Variants in KCMF1 observed in about 807,000 individuals in gnomAD.
KCMF1 encodes E3 ubiquitin-protein ligase KCMF1.
A neutral mutation model predicts 41.1 loss-of-function variants in KCMF1; 3 were observed. That is an observed-to-expected ratio of 0.07 (90% confidence interval 0.03 to 0.19). The LOEUF (loss-of-function observed/expected upper bound fraction) is 0.19, where lower values mean the gene tolerates loss of function less well. Ranked by LOEUF, KCMF1 falls within the 10% of genes least tolerant of loss-of-function variation. The probability of loss-of-function intolerance (pLI) is 1.00; values close to 1 mark genes in which losing one functional copy is unlikely to be tolerated. For missense variants in KCMF1, 286 were observed against 488.9 expected (o/e 0.58, Z 3.91); for synonymous variants, 142 against 164.5 (o/e 0.86, Z 1.04).
At chr2:85,049,030 A>G (rs1436240941) in intron 5 of KCMF1, among the ~76,000 whole-genome samples, 1 of 152,236 alleles carries the variant, frequency 6.6e-6, no homozygotes, top group Non-Finnish European at 1.5e-5. Context: ...GAGAGCTTAT[A>G]TTATAATTGG....
At chr2:85,019,028 C>T (rs549309805) in intron 1 of KCMF1, among the ~76,000 whole-genome samples, 17 of 151,994 alleles carry the variant, frequency 1.1e-4, no homozygotes, top group Non-Finnish European at 2.5e-4. Context: ...TGAGCCACCA[C>T]GCCCAGCCAG....
chr2:84,973,142 G>C (rs141094065), intron 1 of KCMF1, among the ~76,000 whole-genome samples: 2 of 152,280 alleles, frequency 1.3e-5, no homozygotes, highest in African/African-American at 2.4e-5. Flanking sequence ...TCTTACTCTT[G>C]AAAACTGGGA....
At chr2:84,979,138 G>A (rs551752944) in intron 1 of KCMF1, among the ~76,000 whole-genome samples, 2 of 152,114 alleles carry the variant, frequency 1.3e-5, no homozygotes, top group Non-Finnish European at 2.9e-5. Context: ...GAGCCACCGC[G>A]CCTGGCCATG....
At chr2:85,008,399 A>G (rs578147726) in intron 1 of KCMF1, among the ~76,000 whole-genome samples, 3 of 50,540 alleles carry the variant, frequency 5.9e-5, no homozygotes, top group African/African-American at 1.0e-4. Flanking sequence ...GATATATATT[A>G]TATATCATAT....
intron 1 of KCMF1, among the ~76,000 whole-genome samples, chr2:84,976,426 G>A (rs1019316975): frequency 1.5e-4 from 22 of 151,588 alleles, no homozygotes; most frequent in African/African-American, 5.1e-4. Flanking sequence ...GGCTGGTCTC[G>A]AACTCCTGAC....
At chr2:84,998,176 C>CACTGGCTCAG (rs1471122614) in intron 1 of KCMF1, among the ~76,000 whole-genome samples, 2 of 151,294 alleles carry the variant, frequency 1.3e-5, no homozygotes, top group Non-Finnish European at 2.9e-5. Flanking sequence ...ACTGCAACCT[C>CACTGGCTCAG]TGCCTCCCAG....
At chr2:85,009,662 C>G (rs192272066) in intron 1 of KCMF1, among the ~76,000 whole-genome samples, 1 of 152,220 alleles carries the variant, frequency 6.6e-6, no homozygotes, top group East Asian at 1.9e-4. Flanking sequence ...CTCTCTTCCC[C>G]CCTCTTCTTT....
Position 85,053,023 on chromosome 2 carries a change from C to T in KCMF1, c.885-125C>T, listed in dbSNP as rs1675844402. 8.0e-6 allele frequency: 6 copies of T among 753,656 alleles called. No individual in the cohort carries two copies. The East Asian group carries it at 1.4e-4, about 17-fold the overall frequency. The allele number at this position is 753,656 out of a possible 1,614,324, so 46.7% of individuals were successfully genotyped here. A position where few individuals can be genotyped will look rare whatever the true frequency, so the allele number is the denominator to read the frequency against. On this transcript the variant is annotated intron_variant, in intron 6 of 6. Transcript: ENST00000409785. ...AAGGATAAATTACAGCCAAGTATTC[C>T]AGCAATGTCTCATTCTGAATTTTGC...
chr2:85,012,202 C>G (rs551752529), intron 1 of KCMF1, among the ~76,000 whole-genome samples: 12 of 152,216 alleles, frequency 7.9e-5, no homozygotes, highest in African/African-American at 2.9e-4. Context: ...ATCTCTATAG[C>G]CAGGCAAGAG....
chr2:85,031,329 CA>C (rs1675262001), intron 2 of KCMF1, among the ~76,000 whole-genome samples: 2 of 152,116 alleles, frequency 1.3e-5, no homozygotes, highest in South Asian at 4.1e-4. Context: ...TTGTAGTTAT[CA>C]CAGTATGAGT....
intron 1 of KCMF1, among the ~76,000 whole-genome samples, chr2:85,005,686 A>C (rs1674454597): frequency 6.6e-6 from 1 of 151,952 alleles, no homozygotes; most frequent in Non-Finnish European, 1.5e-5. Context: ...TTTATTTTTT[A>C]ATAAACTAGA....
At chr2:85,028,108 T>A in intron 2 of KCMF1, 52 bp downstream of exon 2, 1 of 1,244,278 alleles carries the variant, frequency 8.0e-7, no homozygotes, top group Non-Finnish European at 1.1e-6. Context: ...TTATGTACGT[T>A]GAAGAAGTAA....
intron 1 of KCMF1, among the ~76,000 whole-genome samples, chr2:84,999,916 C>G (rs1208481926): frequency 1.3e-5 from 2 of 151,736 alleles, no homozygotes; most frequent in Non-Finnish European, 2.9e-5. Context: ...ACATTCAGCC[C>G]CTAGTACTTA....
chr2:85,003,709 T>G (rs1357534275), intron 1 of KCMF1, among the ~76,000 whole-genome samples: 1 of 152,058 alleles, frequency 6.6e-6, no homozygotes, highest in Admixed American at 6.6e-5. Flanking sequence ...CTGCCTAGGA[T>G]TACAGGCGTG....
Position 85,035,076 on chromosome 2 carries a change from A to G in KCMF1, c.245A>G (p.Tyr82Cys), listed in dbSNP as rs773388864. Reference sequence around the variant, plus strand: ...CAGCCACAGTCTTTTACTTGTCCCTATTGTGGAAAAATGGGCTATACGGAG... The same window carrying G: ...CAGCCACAGTCTTTTACTTGTCCCTGTTGTGGAAAAATGGGCTATACGGAG... ...VEQPQSFTCPYCGKMGYTETS... is the reference protein window; with the variant it reads ...VEQPQSFTCPCCGKMGYTETS... Residue 82 changes from tyrosine (Y) to cysteine (C), a missense_variant, in exon 3 of 7, where the codon TAT becomes TGT. Tyr to Cys is a radical substitution (Grantham distance 194). Around this residue, in one of 2 missense-constraint regions of KCMF1, gnomAD observed 95 missense variants for 209.6 expected, o/e 0.45. Transcript: ENST00000409785. The G allele has an allele frequency of 4.3e-6, 7 of 1,613,116 alleles. No homozygotes were observed. The Admixed American group carries it at 5.0e-5, about 12-fold the overall frequency.
rs1574049417 is a variant in KCMF1, at chr2:85,058,942, G to A, written c.*5533G>A. On this transcript the variant is annotated 3_prime_UTR_variant, in exon 7 of 7. Coordinates refer to ENST00000409785, the MANE Select transcript of KCMF1 (RefSeq NM_020122.5). ...CCCAGCTCTCTCTCCTTGTATATAA[G>A]GAGACCACACCCTGTATATAAGGTT... 2 of 152,138 alleles carry A rather than the reference G, an allele frequency of 1.3e-5. No individual in the cohort carries two copies. Among genetic ancestry groups the A allele is most frequent in the Non-Finnish European group, 2.9e-5 (2 of 68,024 alleles). The allele number at this position is 152,138 out of a possible 1,614,324, so 9.4% of individuals were successfully genotyped here. A position where few individuals can be genotyped will look rare whatever the true frequency, so the allele number is the denominator to read the frequency against.
rs534982813 is a variant in KCMF1 at position 84,993,738 on chromosome 2, G to T, written c.16+22271G>T. Among the ~76,000 whole-genome samples the T allele has an allele frequency of 5.3e-5, 8 of 151,652 alleles. No homozygotes were observed. The East Asian group carries it at 1.6e-3, about 30-fold the overall frequency. ...TTACAGGCATGCGCCACCGTGCCTG[G>T]CTATTTTTTGTATTTTTAGTAGAGA... On this transcript the variant is annotated intron_variant, in intron 1 of 6. Transcript: ENST00000409785.
intron 1 of KCMF1, among the ~76,000 whole-genome samples, chr2:85,003,426 C>T (rs1674382299): frequency 6.6e-6 from 1 of 151,774 alleles, no homozygotes; most frequent in Non-Finnish European, 1.5e-5. Context: ...TGCAGTGAGC[C>T]AAGATCGTGC....
intron 2 of KCMF1, among the ~76,000 whole-genome samples, chr2:85,034,034 A>T (rs976795994): frequency 9.4e-5 from 14 of 149,388 alleles, no homozygotes; most frequent in East Asian, 5.9e-4. Flanking sequence ...AAAAAAAAAA[A>T]TTTTTTTTTT....
Sources: gnomAD v4.1 joint callset for allele counts (sites outside exome capture counted in the v4.1 genomes callset) on GRCh38, gnomAD v4.1.1 for gene constraint, gnomAD v4.1.1 regional missense constraint, MANE v1.5 for transcripts, NCBI Gene and HGNC (gene_info 2026-07-23, HGNC 2026-07-21) for gene names.